Variants in RPS6KA2 observed in about 807,000 individuals in gnomAD.
RPS6KA2 encodes the protein ribosomal protein S6 kinase alpha-2.
RPS6KA2 carries 42 observed loss-of-function variants against 91.8 expected under a neutral mutation model. The observed-to-expected ratio is 0.46, with a 90% confidence interval of 0.36 to 0.59. The LOEUF is 0.59. Among genes scored for constraint, RPS6KA2 ranks in the 20% least tolerant of loss-of-function variants. The pLI is 0.00. For synonymous variants in RPS6KA2, 414 were observed against 393.6 expected (o/e 1.05, Z -0.61); for missense variants, 798 against 978.5 (o/e 0.82, Z 2.46).
At chr6:166,613,802 G>A (rs1184966312) in intron 1 of RPS6KA2, among the ~76,000 whole-genome samples, 1 of 149,786 alleles carries the variant, frequency 6.7e-6, no homozygotes, top group South Asian at 2.1e-4. Flanking sequence ...GGACACAGTC[G>A]GGCTTTTCAC....
At chr6:166,703,785 T>C (rs990931226) in intron 2 of RPS6KA2, among the ~76,000 whole-genome samples, 1 of 152,202 alleles carries the variant, frequency 6.6e-6, no homozygotes, top group Non-Finnish European at 1.5e-5. Context: ...CAGCTGCCAA[T>C]GTCCTTTCTG....
At chr6:166,413,200 C>T (rs561887855) in intron 20 of RPS6KA2, among the ~76,000 whole-genome samples, 51 of 151,586 alleles carry the variant, frequency 3.4e-4, no homozygotes, top group Non-Finnish European at 6.2e-4. Flanking sequence ...TGATCCCCTG[C>T]ATTCTGACAG....
intron 1 of RPS6KA2, among the ~76,000 whole-genome samples, chr6:166,619,261 A>G (rs1786537447): frequency 6.6e-6 from 1 of 152,238 alleles, no homozygotes; most frequent in Admixed American, 6.5e-5. Context: ...GCAGTCAGCT[A>G]TAGTCACCAC....
intron 1 of RPS6KA2, among the ~76,000 whole-genome samples, chr6:166,553,617 C>A (rs982025438): frequency 6.6e-6 from 1 of 152,010 alleles, no homozygotes; most frequent in African/African-American, 2.4e-5. Context: ...GCCCCGCCAG[C>A]CCTCTTTCTC....
chr6:166,479,893 C>T (rs1781128007), intron 10 of RPS6KA2, among the ~76,000 whole-genome samples: 3 of 152,158 alleles, frequency 2.0e-5, no homozygotes, highest in Middle Eastern at 3.2e-3. Context: ...TTTTACTTAA[C>T]ACTTCTTTTT....
At chr6:166,498,684 T>A (rs933110219) in intron 7 of RPS6KA2, 34 bp from the exon 8 acceptor site, 1 of 1,610,498 alleles carries the variant, frequency 6.2e-7, no homozygotes, top group Non-Finnish European at 8.5e-7. Context: ...ACTGCCTCAG[T>A]CTCTGGGTGT....
intron 2 of RPS6KA2, among the ~76,000 whole-genome samples, chr6:166,708,786 CT>C (rs1483392960): frequency 2.0e-5 from 3 of 152,230 alleles, no homozygotes. Flanking sequence ...TACAATTGAA[CT>C]TGCTCACTTT....
chr6:166,856,713 C>A (rs1250060556), intron 2 of RPS6KA2, among the ~76,000 whole-genome samples: 1 of 152,206 alleles, frequency 6.6e-6, no homozygotes, highest in Non-Finnish European at 1.5e-5. Context: ...TGAAAAATGA[C>A]AGCCAGTCAT....
intron 3 of RPS6KA2, among the ~76,000 whole-genome samples, chr6:166,527,054 A>G (rs150756657): frequency 0.011 from 1,683 of 152,306 alleles, 16 homozygotes; most frequent in Non-Finnish European, 0.014. Flanking sequence ...TGCATTAGGG[A>G]GAGTGAAGTC....
At chr6:166,715,733 T>C (rs1426889871) in intron 2 of RPS6KA2, among the ~76,000 whole-genome samples, 1 of 152,182 alleles carries the variant, frequency 6.6e-6, no homozygotes, top group East Asian at 1.9e-4. Context: ...TTCCTGGTCG[T>C]GTATCCAAAC....
intron 19 of RPS6KA2, among the ~76,000 whole-genome samples, chr6:166,416,372 T>C (rs1478521077): frequency 6.7e-6 from 1 of 149,278 alleles, no homozygotes. Flanking sequence ...TCACCTCCAC[T>C]ATCATCTCTG....
chr6:166,514,504 T>C (rs1782575392), intron 3 of RPS6KA2, among the ~76,000 whole-genome samples: 2 of 152,136 alleles, frequency 1.3e-5, no homozygotes, highest in Admixed American at 1.3e-4. Flanking sequence ...GATGGCCCTG[T>C]AGGGTGGCAG....
At chr6:166,681,104 G>T (rs1225773266) in intron 2 of RPS6KA2, among the ~76,000 whole-genome samples, 1 of 152,202 alleles carries the variant, frequency 6.6e-6, no homozygotes, top group Non-Finnish European at 1.5e-5. Context: ...ATTGGAGAAG[G>T]TGGAAAGGGC....
chr6:166,550,794 A>C (rs1342519809), intron 1 of RPS6KA2, among the ~76,000 whole-genome samples: 4 of 152,060 alleles, frequency 2.6e-5, no homozygotes, highest in East Asian at 1.9e-4. Flanking sequence ...CAAGGTCAGG[A>C]GATCGACACC....
At chr6:166,835,600 G>A (rs1053663776) in intron 2 of RPS6KA2, among the ~76,000 whole-genome samples, 2 of 152,022 alleles carry the variant, frequency 1.3e-5, no homozygotes, top group African/African-American at 2.4e-5. Context: ...TTTACCTTAC[G>A]TCCTGCAACC....
chr6:166,416,032 T>A (rs1778494601), intron 19 of RPS6KA2, among the ~76,000 whole-genome samples: 1 of 136,546 alleles, frequency 7.3e-6, no homozygotes. Context: ...CTCACCATCA[T>A]CTTCACCACC....
Position 166,693,678 on chromosome 6 carries a change from C to T in RPS6KA2, c.124-154894G>A, listed in dbSNP as rs143516755. ...CCTCCCCCGCAATTTAACATGATGTCGTTTGCATCCTTGTGAATACAGTGT... is the reference window on the plus strand; with the variant it reads ...CCTCCCCCGCAATTTAACATGATGTTGTTTGCATCCTTGTGAATACAGTGT... On this transcript the variant is annotated intron_variant, in intron 2 of 21. Coordinates refer to the RPS6KA2 transcript ENST00000503859. Among the ~76,000 whole-genome samples, 346 of 152,302 alleles carry T rather than the reference C, an allele frequency of 2.3e-3. 1 individual carries two copies. The highest frequency in any genetic ancestry group is 7.1e-3 in the African/African-American group (294 of 41,558).
chr6:166,652,583 T>C (rs1787885202), intron 2 of RPS6KA2, among the ~76,000 whole-genome samples: 1 of 152,170 alleles, frequency 6.6e-6, no homozygotes, highest in Non-Finnish European at 1.5e-5. Flanking sequence ...TTTATGTCAC[T>C]GAAAGCCAAT....
intron 12 of RPS6KA2, among the ~76,000 whole-genome samples, chr6:166,458,735 C>T (rs1780181158): frequency 6.6e-6 from 1 of 152,198 alleles, no homozygotes; most frequent in Admixed American, 6.5e-5. Flanking sequence ...CCAACCCTGT[C>T]AGTACCTTGA....
Sources: allele counts gnomAD v4.1 joint callset (sites outside exome capture counted in the v4.1 genomes callset), GRCh38; gene constraint gnomAD v4.1.1; transcripts MANE v1.5; gene names NCBI Gene and HGNC (gene_info 2026-07-23, HGNC 2026-07-21).